RBM5: variants seen among roughly 807,000 people sequenced by gnomAD.
RBM5 encodes RNA-binding protein 5.
RBM5 carries 15 observed loss-of-function variants against 124.6 expected under a neutral mutation model. That is an observed-to-expected ratio of 0.12 (90% CI 0.08 to 0.19). RBM5 has a LOEUF of 0.19. Ranked by LOEUF, RBM5 falls within the 10% of genes least tolerant of loss-of-function variation. The pLI, the probability that RBM5 is intolerant of heterozygous loss-of-function variation, is 1.00. For synonymous variants in RBM5, 337 were observed against 361.2 expected (o/e 0.93, Z 0.76); for missense variants, 580 against 1,026.5 (o/e 0.57, Z 5.94).
intron 4 of RBM5, among the ~76,000 whole-genome samples, chr3:50,099,241 G>C (rs747998606): frequency 1.3e-5 from 2 of 149,206 alleles, no homozygotes; most frequent in Non-Finnish European, 3.0e-5. Flanking sequence ...GGGTGTCAGA[G>C]CTAGGCCCTG....
Position 50,110,629 on chromosome 3 carries a change from A to T in RBM5, c.1364-50A>T, listed in dbSNP as rs531506160. The T allele has an allele frequency of 1.9e-6, 3 of 1,546,670 alleles. No individual in the cohort carries two copies. The African/African-American group carries it at 4.1e-5, about 21-fold the overall frequency. On this transcript the variant is annotated intron_variant, in intron 16 of 24. Coordinates refer to ENST00000347869, the MANE Select transcript of RBM5 (RefSeq NM_005778.4). The stretch of plus-strand genomic sequence containing the variant: ...TCTCACTGGCTTAGAATTTGAAATA[A>T]AGCCAATTTCTTACCTGGAATGACT...
At chr3:50,091,832 A>G (rs997563708) in intron 2 of RBM5, among the ~76,000 whole-genome samples, 1 of 152,218 alleles carries the variant, frequency 6.6e-6, no homozygotes, top group Admixed American at 6.5e-5. Context: ...CAGATTTAGC[A>G]TACATTCCTG....
At chr3:50,107,728 C>T (rs1399107215) in intron 12 of RBM5, among the ~76,000 whole-genome samples, 159 bp downstream of exon 12, 1 of 131,242 alleles carries the variant, frequency 7.6e-6, no homozygotes, top group East Asian at 2.1e-4. Context: ...CTCTCGTCAC[C>T]CGGGCTGGAG....
rs2090756170 is a variant in RBM5 at position 50,093,885 on chromosome 3, AATGACAGTT to A, written c.339+13_339+21del. On this transcript the variant is annotated intron_variant, in intron 4 of 24. Transcript: ENST00000347869. ...CATCACAGAGAGCGATGTAAGGGGAAATGACAGTTATAACCAGCAGTCAGTAGGCACAAT... is the reference window on the plus strand; with the variant it reads ...CATCACAGAGAGCGATGTAAGGGGAAATAACCAGCAGTCAGTAGGCACAAT... 2 of 1,598,444 alleles carry A rather than the reference AATGACAGTT, an allele frequency of 1.3e-6. No individual in the cohort carries two copies. Among genetic ancestry groups the A allele is most frequent in the South Asian group, 2.2e-5 (2 of 90,492 alleles).
intron 11 of RBM5, 119 bp downstream of exon 11, chr3:50,106,983 C>A: frequency 2.3e-6 from 2 of 870,030 alleles, no homozygotes; most frequent in Non-Finnish European, 3.8e-6. Flanking sequence ...TCCCTGATTG[C>A]CAAGGCCAGG....
intron 1 of RBM5, chr3:50,090,073 C>A (rs972901375): frequency 9.5e-6 from 2 of 210,162 alleles, no homozygotes; most frequent in African/African-American, 4.7e-5. Context: ...TAGCTCTGCC[C>A]TTTTTGCTTT....
At chr3:50,118,220 TTC>T in intron 24 of RBM5, 109 bp from the exon 25 acceptor site, 1 of 1,421,558 alleles carries the variant, frequency 7.0e-7, no homozygotes, top group Non-Finnish European at 9.6e-7. Flanking sequence ...ATATACAGTT[TTC>T]TCTCTTCTGT....
At chr3:50,108,579 C>T (rs978837674) in intron 14 of RBM5, among the ~76,000 whole-genome samples, 49 of 152,158 alleles carry the variant, frequency 3.2e-4, no homozygotes, top group Middle Eastern at 3.4e-3. Context: ...CGGTGGCAGG[C>T]GCCTGTAATC....
At chr3:50,105,966 C>CT in intron 10 of RBM5, among the ~76,000 whole-genome samples, 1 of 151,838 alleles carries the variant, frequency 6.6e-6, no homozygotes, top group African/African-American at 2.4e-5. Context: ...TGTTGTTGTT[C>CT]TTTTTTGGGA....
intron 7 of RBM5, among the ~76,000 whole-genome samples, chr3:50,104,029 A>G (rs894076878): frequency 6.6e-6 from 1 of 152,190 alleles, no homozygotes; most frequent in African/African-American, 2.4e-5. Context: ...CTTGATAATA[A>G]TGGGATTCTT....
At position 50,093,717 on chromosome 3, in the gene RBM5, CAGAG is replaced by C; in HGVS notation, c.186_189del (p.Arg62SerfsTer55). On this transcript the variant is annotated splice_acceptor_variant and coding_sequence_variant, in exon 4 of 25. Transcript: ENST00000347869. LOFTEE classifies it high-confidence loss of function. ...AATTGTGATTTTGTTTATTGTAACT[CAGAG>C]AGAGCGTGAAAGAAGGAACAGTGAC... is the stretch of plus-strand genomic sequence containing the variant. 1.2e-6 allele frequency: 2 copies of C among 1,611,816 alleles called. No homozygotes were observed. The highest frequency in any genetic ancestry group is 1.7e-6 in the Non-Finnish European group (2 of 1,178,238).
intron 4 of RBM5, chr3:50,094,248 C>T (rs2090763901): frequency 6.4e-6 from 1 of 155,682 alleles, no homozygotes; most frequent in African/African-American, 2.4e-5. Flanking sequence ...GCTCTGCCTC[C>T]CGGGTTCACG....
At position 50,093,759 on chromosome 3, in the gene RBM5, G is replaced by A. The variant is rs1230544605; in HGVS notation, c.223G>A (p.Gly75Ser). The A allele has an allele frequency of 1.9e-6, 3 of 1,613,742 alleles. No homozygotes were observed. Among genetic ancestry groups the A allele is most frequent in the Non-Finnish European group, 2.5e-6 (3 of 1,179,852 alleles). ...AAGGAACAGTGACCGATCCGAAGAT[G>A]GCTACCATTCAGATGGTGACTATGG... ...ERRNSDRSED[G>S]YHSDGDYGEH... Residue 75 changes from glycine to serine, a missense_variant, in exon 4 of 25, where the codon GGC becomes AGC. Gly to Ser is a moderately conservative substitution (Grantham distance 56). This residue lies in a region of RBM5 where 99 missense variants were observed against 121.1 expected (regional missense o/e 0.82). Coordinates refer to ENST00000347869, the MANE Select transcript of RBM5 (RefSeq NM_005778.4).
chr3:50,110,524 A>G (rs544982509), intron 16 of RBM5, 61 bp downstream of exon 16: 1 of 1,537,432 alleles, frequency 6.5e-7, no homozygotes, highest in Non-Finnish European at 9.0e-7. Flanking sequence ...TCTTTGTTTA[A>G]TGAGAGTTCT....
Position 50,110,780 on chromosome 3 carries a change from C to T in RBM5, c.1455+10C>T. ...TGACCCCAACTCGCAAGTAAATGTG[C>T]TGCTTTCCTCCTCAATTTCACTAGA... On this transcript the variant is annotated intron_variant, in intron 17 of 24. Coordinates refer to ENST00000347869, the MANE Select transcript of RBM5 (RefSeq NM_005778.4). 6.3e-7 allele frequency: 1 copy of T among 1,587,316 alleles called. No homozygotes were observed. The highest frequency in any genetic ancestry group is 8.6e-7 in the Non-Finnish European group (1 of 1,158,992).
chr3:50,104,798 G>A (rs2091000254), intron 8 of RBM5: 1 of 377,412 alleles, frequency 2.6e-6, no homozygotes, highest in Admixed American at 4.0e-5. Flanking sequence ...AGCACAGAAA[G>A]TTCTTTTGTT....
chr3:50,116,939 G>T, intron 22 of RBM5, 135 bp from the exon 23 acceptor site: 1 of 724,410 alleles, frequency 1.4e-6, no homozygotes, highest in Non-Finnish European at 2.3e-6. Context: ...AAGGGAATTT[G>T]GTATTTCAGA....
At chr3:50,116,048 A>G (rs1575339748) in intron 22 of RBM5, 68 bp downstream of exon 22, 2 of 1,446,228 alleles carry the variant, frequency 1.4e-6, no homozygotes, top group Middle Eastern at 1.8e-4. Context: ...TATTTGTAGC[A>G]TTTAGTTCCA....
At position 50,096,629 on chromosome 3, in the gene RBM5, G is replaced by A. The variant is rs576368138; in HGVS notation, c.339+2754G>A. Among the ~76,000 whole-genome samples the A allele has an allele frequency of 1.5e-3, 233 of 152,004 alleles. 1 individual carries two copies. The highest frequency in any genetic ancestry group is 5.2e-3 in the African/African-American group (217 of 41,484). ...TTGTGAGACAGGGCCTTACTCTGTC[G>A]CATAGGCTGGAGTGCAATCGCGTGA... On this transcript the variant is annotated intron_variant, in intron 4 of 24. Coordinates refer to ENST00000347869, the MANE Select transcript of RBM5 (RefSeq NM_005778.4).
Sources: allele counts gnomAD v4.1 joint callset (sites outside exome capture counted in the v4.1 genomes callset), GRCh38; gene constraint gnomAD v4.1.1; regional missense constraint gnomAD v4.1.1; transcripts MANE v1.5; gene names NCBI Gene and HGNC (gene_info 2026-07-23, HGNC 2026-07-21).